PTPRT: variants seen among roughly 807,000 people sequenced by gnomAD.
PTPRT encodes the protein receptor-type tyrosine-protein phosphatase T.
In PTPRT, 56 loss-of-function variants were observed where a neutral mutation model predicts 176.8. That is an observed-to-expected ratio of 0.32 (90% confidence interval 0.26 to 0.40). The LOEUF (loss-of-function observed/expected upper bound fraction) is 0.40, where lower values mean the gene tolerates loss of function less well. Among genes scored for constraint, PTPRT ranks in the 10% least tolerant of loss-of-function variants. The probability of loss-of-function intolerance (pLI) is 1.00; values close to 1 mark genes in which losing one functional copy is unlikely to be tolerated. For missense variants in PTPRT, 1,540 were observed against 1,908.2 expected, an observed-to-expected ratio of 0.81 and a Z score of 3.60; for synonymous variants, 783 against 739.0, an observed-to-expected ratio of 1.06 and a Z score of -0.96.
Position 42,831,197 on chromosome 20 carries a change from C to T in PTPRT, c.215-39731G>A, listed in dbSNP as rs764519777. ...AAAACAGATCTATAGACCAATGAAA[C>T]GTAATAGAAAGCCCAGAAGTAAGGC... On this transcript the variant is annotated intron_variant, in intron 2 of 30. Transcript: ENST00000373187. Among the ~76,000 whole-genome samples the T allele has an allele frequency of 1.6e-4, 25 of 152,126 alleles. 1 individual carries two copies. Among genetic ancestry groups the T allele is most frequent in the Admixed American group, 7.2e-4 (11 of 15,284 alleles).
intron 6 of PTPRT, among the ~76,000 whole-genome samples, chr20:42,743,464 G>C (rs1482954129): frequency 1.3e-5 from 2 of 152,218 alleles, no homozygotes; most frequent in African/African-American, 2.4e-5. Context: ...TAGGAACCTT[G>C]TGATTCTGCA....
At chr20:42,634,766 A>G (rs1224807277) in intron 7 of PTPRT, among the ~76,000 whole-genome samples, 1 of 152,164 alleles carries the variant, frequency 6.6e-6, no homozygotes, top group Non-Finnish European at 1.5e-5. Context: ...TTCAAAATGT[A>G]TATATGACCA....
In PTPRT at chr20:42,590,439, A is replaced by G. The variant is rs117326082; in HGVS notation, c.1153+87427T>C. On this transcript the variant is annotated intron_variant, in intron 7 of 30. Coordinates refer to ENST00000373187, the MANE Select transcript of PTPRT (RefSeq NM_007050.6). ...AGCAAGCACCTACTATGTGCCAGGC[A>G]TTGTGCAATCTGCTTTAACAACAGT... Among the ~76,000 whole-genome samples, 7 of 152,326 alleles carry G rather than the reference A, an allele frequency of 4.6e-5. No homozygotes were observed. The East Asian group carries it at 1.2e-3, about 25-fold the overall frequency.
At chr20:42,871,315 TAAA>T (rs34666147) in intron 2 of PTPRT, among the ~76,000 whole-genome samples, 5,065 of 147,438 alleles carry the variant, frequency 0.034, 283 homozygotes, top group African/African-American at 0.12. Flanking sequence ...CAGCCCTTTT[TAAA>T]AAAAAAAAAA....
chr20:42,526,025 T>A (rs1191664442), intron 7 of PTPRT, among the ~76,000 whole-genome samples: 2 of 151,870 alleles, frequency 1.3e-5, no homozygotes, highest in African/African-American at 4.8e-5. Flanking sequence ...TTTTTTTTTT[T>A]AATTTTGTAG....
intron 7 of PTPRT, among the ~76,000 whole-genome samples, chr20:42,582,227 G>C (rs189677867): frequency 2.9e-4 from 44 of 152,248 alleles, no homozygotes; most frequent in Non-Finnish European, 4.9e-4. Context: ...CCCTTTCCTG[G>C]GGTGTGAAGG....
intron 1 of PTPRT, among the ~76,000 whole-genome samples, chr20:42,938,009 A>G (rs1980302629): frequency 6.6e-6 from 1 of 152,244 alleles, no homozygotes; most frequent in Admixed American, 6.5e-5. Flanking sequence ...ACAGATATGA[A>G]ATAAATATGT....
intron 2 of PTPRT, among the ~76,000 whole-genome samples, chr20:42,851,453 T>G (rs2078468582): frequency 6.6e-6 from 1 of 152,310 alleles, no homozygotes; most frequent in African/African-American, 2.4e-5. Context: ...CAATTCTTGA[T>G]CCATTATAGG....
At chr20:42,729,819 C>A (rs993187951) in intron 6 of PTPRT, among the ~76,000 whole-genome samples, 2 of 150,574 alleles carry the variant, frequency 1.3e-5, no homozygotes, top group Admixed American at 7.0e-5. Context: ...ATGGCTACCT[C>A]TTCTCTTCTC....
intron 6 of PTPRT, among the ~76,000 whole-genome samples, chr20:42,679,779 A>C (rs1600596249): frequency 6.6e-6 from 1 of 152,098 alleles, no homozygotes; most frequent in Non-Finnish European, 1.5e-5. Context: ...ATAACAATCC[A>C]TCAGGTTATC....
intron 7 of PTPRT, among the ~76,000 whole-genome samples, chr20:42,546,045 T>C (rs970346175): frequency 1.1e-4 from 16 of 152,214 alleles, no homozygotes; most frequent in Admixed American, 3.9e-4. Flanking sequence ...TATACATAGG[T>C]AAACATTCCT....
intron 7 of PTPRT, among the ~76,000 whole-genome samples, chr20:42,609,296 A>T (rs929711524): frequency 6.6e-6 from 1 of 151,828 alleles, no homozygotes; most frequent in Non-Finnish European, 1.5e-5. Context: ...CTGGTCTCGA[A>T]CTCCTGACCG....
rs148110624 is a variant in PTPRT at position 42,501,647 on chromosome 20, G to A, written c.1154-29085C>T. Reference sequence around the variant, plus strand: ...AGCACCTCAGTGGCAGTGTTGAATAGTTGTGATAGAAACAGTACAACCTGC... The same window carrying A: ...AGCACCTCAGTGGCAGTGTTGAATAATTGTGATAGAAACAGTACAACCTGC... On this transcript the variant is annotated intron_variant, in intron 7 of 30. Coordinates refer to ENST00000373187, the MANE Select transcript of PTPRT (RefSeq NM_007050.6). Among the ~76,000 whole-genome samples the A allele has an allele frequency of 2.9e-3, 438 of 152,268 alleles. 8 individuals carry two copies. The highest frequency in any genetic ancestry group is 0.026 in the Admixed American group (403 of 15,282).
At chr20:42,554,305 A>G (rs1373131191) in intron 7 of PTPRT, among the ~76,000 whole-genome samples, 1 of 152,180 alleles carries the variant, frequency 6.6e-6, no homozygotes, top group Non-Finnish European at 1.5e-5. Context: ...TTAAAAAAAA[A>G]TTCTGTAAAA....
At chr20:42,940,856 T>G (rs1307132082) in intron 1 of PTPRT, among the ~76,000 whole-genome samples, 1 of 151,998 alleles carries the variant, frequency 6.6e-6, no homozygotes, top group Non-Finnish European at 1.5e-5. Context: ...CTGAGGCAGG[T>G]GGATCACAAG....
intron 1 of PTPRT, among the ~76,000 whole-genome samples, chr20:42,935,632 T>TATTC (rs202151365): frequency 0.018 from 2,710 of 152,260 alleles, 92 homozygotes; most frequent in African/African-American, 0.062. Flanking sequence ...GTATCTGGGA[T>TATTC]ATTCATTCAT....
intron 6 of PTPRT, among the ~76,000 whole-genome samples, chr20:42,708,379 A>G (rs1468162019): frequency 6.6e-6 from 1 of 152,222 alleles, no homozygotes; most frequent in East Asian, 1.9e-4. Context: ...CTTGAAAAAG[A>G]GAACCACATG....
intron 7 of PTPRT, among the ~76,000 whole-genome samples, chr20:42,487,519 G>A (rs923847125): frequency 1.3e-4 from 20 of 152,264 alleles, no homozygotes; most frequent in African/African-American, 4.6e-4. Context: ...ATCTTGAACT[G>A]GGGATATGAT....
chr20:42,250,949 G>C (rs991511069), intron 13 of PTPRT, among the ~76,000 whole-genome samples: 1 of 152,204 alleles, frequency 6.6e-6, no homozygotes, highest in African/African-American at 2.4e-5. Flanking sequence ...TCCTGAAAGA[G>C]TTGGCCACCA....
Sources: allele counts gnomAD v4.1 joint callset (sites outside exome capture counted in the v4.1 genomes callset), GRCh38; gene constraint gnomAD v4.1.1; transcripts MANE v1.5; gene names NCBI Gene and HGNC (gene_info 2026-07-23, HGNC 2026-07-21).